The following GABRG1 variants were observed in gnomAD, a reference collection of about 807,000 sequenced individuals.
GABRG1 encodes gamma-aminobutyric acid type A receptor subunit gamma1.
Under a neutral mutation model 49.8 loss-of-function variants are expected in GABRG1, and 49 were observed. That is an observed-to-expected ratio of 0.98 (90% confidence interval 0.78 to 1.25). The LOEUF (loss-of-function observed/expected upper bound fraction) is 1.25. Among genes scored for constraint, GABRG1 ranks in the 50% most tolerant of loss-of-function variants. The pLI, the probability that GABRG1 is intolerant of heterozygous loss-of-function variation, is 0.00. For synonymous variants in GABRG1, 232 were observed against 185.1 expected (o/e 1.25, Z -2.06); for missense variants, 552 against 552.3 (o/e 1.00, Z 0.01).
chr4:46,107,818 A>G (rs2109438543), intron 1 of GABRG1, among the ~76,000 whole-genome samples: 1 of 151,370 alleles, frequency 6.6e-6, no homozygotes, highest in South Asian at 2.1e-4. Context: ...AATACTTTAT[A>G]CATATGATTA....
chr4:46,046,587 G>A (rs909195542), intron 8 of GABRG1, among the ~76,000 whole-genome samples: 1 of 152,060 alleles, frequency 6.6e-6, no homozygotes, highest in African/African-American at 2.4e-5. Flanking sequence ...CTGAGAGGTA[G>A]ACAAATGTTT....
intron 7 of GABRG1, among the ~76,000 whole-genome samples, chr4:46,057,177 C>T (rs564563817): frequency 3.3e-5 from 5 of 152,104 alleles, no homozygotes; most frequent in Admixed American, 6.6e-5. Flanking sequence ...AATTGAGATA[C>T]GAATGGATTT....
At chr4:46,100,043 C>T (rs1195103372) in intron 1 of GABRG1, among the ~76,000 whole-genome samples, 1 of 151,552 alleles carries the variant, frequency 6.6e-6, no homozygotes, top group Admixed American at 6.6e-5. Flanking sequence ...CACTTATAAC[C>T]CTATGCAGAT....
chr4:46,086,649 T>A (rs1286388718), intron 2 of GABRG1, among the ~76,000 whole-genome samples: 1 of 151,512 alleles, frequency 6.6e-6, no homozygotes, highest in Non-Finnish European at 1.5e-5. Flanking sequence ...CACATAATTT[T>A]TTTTCTTTAT....
intron 7 of GABRG1, among the ~76,000 whole-genome samples, chr4:46,057,569 T>C (rs1718500414): frequency 6.6e-6 from 1 of 152,148 alleles, no homozygotes; most frequent in Non-Finnish European, 1.5e-5. Context: ...ATTTGATTAT[T>C]GCAATAGATT....
intron 3 of GABRG1, among the ~76,000 whole-genome samples, chr4:46,074,358 T>G (rs2109415802): frequency 6.6e-6 from 1 of 152,310 alleles, no homozygotes; most frequent in Non-Finnish European, 1.5e-5. Flanking sequence ...TACCAGTTTA[T>G]AAAATGCTTA....
In GABRG1 at chr4:46,041,008, C is replaced by A. The variant is rs201319051; in HGVS notation, c.1378G>T (p.Val460Phe). The change falls in exon 9 of 9, where the codon GTT becomes TTT. Residue 460 changes from valine (V) to phenylalanine (F), a missense_variant. Coordinates refer to ENST00000295452, the MANE Select transcript of GABRG1 (RefSeq NM_173536.4). ...AGATTTTATAAGTAAAGATAGCCAA[C>A]CCAATAAACCAAGTTGAACAGGGCA... The part of the protein sequence containing the change: ...AFALFNLVYW[V>F]GYLYL The A allele has an allele frequency of 5.6e-6, 9 of 1,611,766 alleles. No homozygotes were observed. The highest frequency in any genetic ancestry group is 4.5e-5 in the East Asian group (2 of 44,822).
intron 3 of GABRG1, among the ~76,000 whole-genome samples, chr4:46,071,825 CAA>C (rs1211121071): frequency 2.0e-5 from 3 of 152,006 alleles, no homozygotes; most frequent in African/African-American, 4.8e-5. Flanking sequence ...ATGAAAATGT[CAA>C]ACTTATAATA....
intron 5 of GABRG1, among the ~76,000 whole-genome samples, chr4:46,063,338 A>T (rs200177386): frequency 6.6e-6 from 1 of 152,052 alleles, no homozygotes. Context: ...TCAACGGAAC[A>T]GAACAGAGCC....
chr4:46,105,293 G>GA (rs1560372402), intron 1 of GABRG1, among the ~76,000 whole-genome samples: 1 of 150,968 alleles, frequency 6.6e-6, no homozygotes, highest in South Asian at 2.1e-4. Context: ...AAGTGAAAAA[G>GA]AAAAAAAGAA....
intron 5 of GABRG1, among the ~76,000 whole-genome samples, chr4:46,061,346 A>T (rs1718664363): frequency 6.6e-6 from 1 of 152,060 alleles, no homozygotes; most frequent in South Asian, 2.1e-4. Context: ...ATCATTAATA[A>T]AAGGCAAAAA....
chr4:46,083,754 A>C (rs755515027), intron 3 of GABRG1, among the ~76,000 whole-genome samples: 2 of 151,274 alleles, frequency 1.3e-5, no homozygotes, highest in Non-Finnish European at 3.0e-5. Context: ...ATAATTTGTT[A>C]TGCCGTTGCA....
At chr4:46,065,895 TG>T (rs1435235587) in intron 3 of GABRG1, among the ~76,000 whole-genome samples, 1 of 152,066 alleles carries the variant, frequency 6.6e-6, no homozygotes, top group Non-Finnish European at 1.5e-5. Context: ...GCTAATTTTT[TG>T]TATTTTTAGT....
rs894010037 is a variant in GABRG1 at position 46,038,571 on chromosome 4, C to T, written c.*2417G>A. ...GGAAGATTTTTTAAAAAAATTATTT[C>T]TCAAGGTGGTGAAACTTATACTTGG... On this transcript the variant is annotated 3_prime_UTR_variant, in exon 9 of 9. Transcript: ENST00000295452. 2.0e-5 allele frequency: 3 copies of T among 151,402 alleles called. No individual in the cohort carries two copies. The highest frequency in any genetic ancestry group is 7.3e-5 in the African/African-American group (3 of 41,330). The allele number at this position is 151,402 out of a possible 1,614,324, so 9.4% of individuals were successfully genotyped here.
intron 1 of GABRG1, among the ~76,000 whole-genome samples, chr4:46,121,031 C>A (rs1399335666): frequency 6.6e-6 from 1 of 151,694 alleles, no homozygotes; most frequent in East Asian, 1.9e-4. Context: ...ACACAGGAAC[C>A]ATGACTACAG....
chr4:46,097,959 T>C (rs1399328525), intron 1 of GABRG1, among the ~76,000 whole-genome samples: 1 of 151,774 alleles, frequency 6.6e-6, no homozygotes, highest in African/African-American at 2.4e-5. Flanking sequence ...TATCAATAGG[T>C]GACTCATCTT....
chr4:46,095,295 G>A (rs66482304), intron 2 of GABRG1, among the ~76,000 whole-genome samples: 13,850 of 151,528 alleles, frequency 0.091, 1,284 homozygotes, highest in African/African-American at 0.23. Flanking sequence ...GTGGGAATTC[G>A]TGAAGAAGAA....
chr4:46,045,224 T>A (rs1258164737), intron 8 of GABRG1, among the ~76,000 whole-genome samples: 3 of 152,022 alleles, frequency 2.0e-5, no homozygotes, highest in Non-Finnish European at 4.4e-5. Flanking sequence ...ATACATCCAC[T>A]TAAGGAAAAA....
At chr4:46,099,731 G>T (rs1002383645) in intron 1 of GABRG1, among the ~76,000 whole-genome samples, 1 of 151,676 alleles carries the variant, frequency 6.6e-6, no homozygotes, top group Non-Finnish European at 1.5e-5. Flanking sequence ...CATAGAATGT[G>T]CTTTGTATGC....
Sources: gnomAD v4.1 joint callset for allele counts (sites outside exome capture counted in the v4.1 genomes callset) on GRCh38, gnomAD v4.1.1 for gene constraint, MANE v1.5 for transcripts, NCBI Gene and HGNC (gene_info 2026-07-23, HGNC 2026-07-21) for gene names.